The following NCKAP5 variants were observed in gnomAD, a reference collection of about 807,000 sequenced individuals.
NCKAP5 encodes the protein NCK associated protein 5, also known as nck-associated protein 5.
Under a neutral mutation model 167.0 loss-of-function variants are expected in NCKAP5, and 92 were observed. The observed-to-expected ratio is 0.55, with a 90% CI of 0.47 to 0.66. NCKAP5 has a LOEUF of 0.66. Ranked by LOEUF, NCKAP5 falls within the 30% of genes least tolerant of loss-of-function variation. The pLI is 0.00. For missense variants in NCKAP5, 2,378 were observed against 2,315.0 expected, an observed-to-expected ratio of 1.03 and a Z score of -0.56; for synonymous variants, 891 against 877.4, an observed-to-expected ratio of 1.02 and a Z score of -0.27.
chr2:132,935,964 A>T (rs921705061), intron 8 of NCKAP5, among the ~76,000 whole-genome samples: 1 of 151,692 alleles, frequency 6.6e-6, no homozygotes, highest in African/African-American at 2.4e-5. Context: ...AAACTACCTT[A>T]AATAATATTT....
chr2:133,417,599 C>T (rs1177515872), intron 3 of NCKAP5, among the ~76,000 whole-genome samples: 1 of 152,196 alleles, frequency 6.6e-6, no homozygotes, highest in Non-Finnish European at 1.5e-5. Flanking sequence ...TGTTACCTCT[C>T]AGTTGAGAGG....
chr2:132,960,691 A>C (rs75010244), intron 8 of NCKAP5, among the ~76,000 whole-genome samples: 338 of 152,304 alleles, frequency 2.2e-3, no homozygotes, highest in African/African-American at 7.7e-3. Context: ...ATTTGCTTAG[A>C]CAATATTAAC....
the NCKAP5 span, among the ~76,000 whole-genome samples, chr2:133,662,982 CG>C: frequency 6.6e-6 from 1 of 151,940 alleles, no homozygotes; most frequent in African/African-American, 2.4e-5. Context: ...AAAAAAATGC[CG>C]GGGCCGGGCG....
intron 3 of NCKAP5, among the ~76,000 whole-genome samples, chr2:133,338,587 C>T (rs556135819): frequency 6.9e-4 from 105 of 152,332 alleles, no homozygotes; most frequent in African/African-American, 2.4e-3. Context: ...AGCTGATTTG[C>T]TAAGGCAGGA....
intron 3 of NCKAP5, among the ~76,000 whole-genome samples, chr2:133,360,652 T>C (rs2150864329): frequency 6.6e-6 from 1 of 152,162 alleles, no homozygotes; most frequent in African/African-American, 2.4e-5. Flanking sequence ...CCGAGAATAG[T>C]CTATACTGGA....
At chr2:132,748,451 T>G (rs1679832980) in intron 16 of NCKAP5, among the ~76,000 whole-genome samples, 2 of 152,212 alleles carry the variant, frequency 1.3e-5, no homozygotes, top group Admixed American at 6.5e-5. Flanking sequence ...AGTCATTACT[T>G]CAGTTGAGTT....
chr2:133,362,134 C>T (rs934462981), intron 3 of NCKAP5, among the ~76,000 whole-genome samples: 2 of 152,160 alleles, frequency 1.3e-5, no homozygotes, highest in Non-Finnish European at 2.9e-5. Context: ...ATGGGATTGT[C>T]TTATTGCTTG....
At chr2:133,562,794 G>A (rs1043878828) in intron 1 of NCKAP5, among the ~76,000 whole-genome samples, 3 of 152,148 alleles carry the variant, frequency 2.0e-5, no homozygotes, top group Admixed American at 6.6e-5. Context: ...ATGTAACTAC[G>A]GGGAAGTACC....
intron 3 of NCKAP5, among the ~76,000 whole-genome samples, chr2:133,328,769 T>C (rs1277871381): frequency 2.0e-5 from 3 of 152,190 alleles, no homozygotes; most frequent in Non-Finnish European, 4.4e-5. Flanking sequence ...AAGGGTAGAC[T>C]AGCTGCAGTG....
At chr2:133,237,975 G>C (rs1184046640) in intron 4 of NCKAP5, among the ~76,000 whole-genome samples, 1 of 152,128 alleles carries the variant, frequency 6.6e-6, no homozygotes, top group Non-Finnish European at 1.5e-5. Flanking sequence ...TCCTGCAGGA[G>C]GTGTTTCTGG....
intron 4 of NCKAP5, among the ~76,000 whole-genome samples, chr2:133,250,580 A>G (rs2088261647): frequency 6.6e-6 from 1 of 152,146 alleles, no homozygotes; most frequent in Admixed American, 6.5e-5. Context: ...ACTGCCTGCT[A>G]TTTTCTCAGT....
At chr2:133,041,036 C>G (rs757695056) in intron 6 of NCKAP5, among the ~76,000 whole-genome samples, 1 of 152,176 alleles carries the variant, frequency 6.6e-6, no homozygotes, top group Non-Finnish European at 1.5e-5. Context: ...TATGCAGAAG[C>G]AACATCCTAA....
intron 2 of NCKAP5, among the ~76,000 whole-genome samples, chr2:133,523,652 T>G (rs1463288405): frequency 6.6e-6 from 1 of 152,184 alleles, no homozygotes; most frequent in Non-Finnish European, 1.5e-5. Flanking sequence ...CAAGATGTTT[T>G]CCGGTCAGCT....
chr2:133,220,621 A>G (rs531133671), intron 4 of NCKAP5, among the ~76,000 whole-genome samples: 2 of 152,316 alleles, frequency 1.3e-5, no homozygotes, highest in East Asian at 1.9e-4. Flanking sequence ...AGTGTTCCCA[A>G]TGAAGCCAAC....
rs1034014180 is a variant in NCKAP5, at chr2:132,784,142, C to T, written c.2669G>A (p.Ser890Asn). The T allele has an allele frequency of 2.6e-6, 4 of 1,526,424 alleles. No individual in the cohort carries two copies. In the Middle Eastern group the frequency reaches 5.3e-4, roughly 202 times the overall value. 94.6% of individuals were successfully genotyped at this position (1,526,424 alleles called of 1,614,324 possible). A position where few individuals can be genotyped will look rare whatever the true frequency, so the allele number is the denominator to read the frequency against. ...CCTTGACCGTGACCCTGGAGTCTGA[C>T]TCTTGGGGCACTGGACCCAGTCCCT... is the stretch of plus-strand genomic sequence containing the variant. Reference protein sequence around the residue: ...SRRDWVQCPKSQTPGSRSRPA... With the variant: ...SRRDWVQCPKNQTPGSRSRPA... The change falls in exon 14 of 20, where the codon AGT becomes AAT. Residue 890 changes from serine to asparagine, a missense_variant. Transcript: ENST00000409261.
chr2:133,054,668 T>C (rs1054130118), intron 6 of NCKAP5, among the ~76,000 whole-genome samples: 5 of 152,174 alleles, frequency 3.3e-5, no homozygotes, highest in African/African-American at 1.2e-4. Context: ...GAGCTTTTAG[T>C]GGGGTTAGAA....
intron 3 of NCKAP5, among the ~76,000 whole-genome samples, chr2:133,443,675 C>T (rs1340685182): frequency 6.6e-6 from 1 of 152,196 alleles, no homozygotes; most frequent in Non-Finnish European, 1.5e-5. Flanking sequence ...CTTCCATCAA[C>T]TGCAGCTCCA....
intron 6 of NCKAP5, among the ~76,000 whole-genome samples, chr2:133,078,366 A>G (rs1486538902): frequency 6.6e-6 from 1 of 152,166 alleles, no homozygotes; most frequent in Non-Finnish European, 1.5e-5. Flanking sequence ...CTGTAAACTC[A>G]CCTGCTGTAC....
chr2:132,840,437 G>A (rs1172372865), intron 11 of NCKAP5, among the ~76,000 whole-genome samples: 2 of 151,936 alleles, frequency 1.3e-5, no homozygotes, highest in African/African-American at 4.8e-5. Flanking sequence ...CACCATGCCC[G>A]ACTAATTTTT....
Sources: allele counts gnomAD v4.1 joint callset (sites outside exome capture counted in the v4.1 genomes callset), GRCh38; gene constraint gnomAD v4.1.1; transcripts MANE v1.5; gene names NCBI Gene and HGNC (gene_info 2026-07-23, HGNC 2026-07-21).